Variants in DAB1 observed in about 807,000 individuals in gnomAD.
DAB1 encodes the protein DAB adaptor protein 1.
DAB1 carries 15 observed loss-of-function variants against 64.6 expected under a neutral mutation model. That is an observed-to-expected ratio of 0.23 (90% CI 0.16 to 0.36). The LOEUF (loss-of-function observed/expected upper bound fraction) is 0.36. Among genes scored for constraint, DAB1 ranks in the 10% least tolerant of loss-of-function variants. The pLI, the probability that DAB1 is intolerant of heterozygous loss-of-function variation, is 1.00. For missense variants in DAB1, 596 were observed against 706.7 expected (o/e 0.84, Z 1.78); for synonymous variants, 235 against 251.9 (o/e 0.93, Z 0.64).
chr1:57,806,489 T>C (rs1242495452), intron 6 of DAB1, among the ~76,000 whole-genome samples: 2 of 152,160 alleles, frequency 1.3e-5, no homozygotes, highest in Non-Finnish European at 2.9e-5. Flanking sequence ...AGGCAACGAC[T>C]GGCCACAAAC....
rs1187189728 is a variant in DAB1 at position 57,071,638 on chromosome 1, C to T, written c.442G>A (p.Glu148Lys). The T allele has an allele frequency of 6.2e-7, 1 of 1,613,012 alleles. No homozygotes were observed. Among genetic ancestry groups the T allele is most frequent in the Non-Finnish European group, 8.5e-7 (1 of 1,179,796 alleles). ...FVAIKTAQAA[E>K]PVILDLRDLF... ...TCTCTCAAGTCCAGAATAACAGGTT[C>T]AGCCTGGGATGAAAGGTAGTAAGGC... Residue 148 changes from glutamate (E) to lysine (K), a missense_variant, in exon 6 of 15, where the codon GAA becomes AAA. Transcript: ENST00000371236.
intron 7 of DAB1, among the ~76,000 whole-genome samples, chr1:57,556,223 G>T (rs1267729099): frequency 6.6e-6 from 1 of 152,068 alleles, no homozygotes; most frequent in East Asian, 1.9e-4. Flanking sequence ...ATTGTGAATT[G>T]TGCTGCTGTA....
intron 7 of DAB1, among the ~76,000 whole-genome samples, chr1:57,461,448 G>A (rs914389891): frequency 2.0e-5 from 3 of 152,060 alleles, no homozygotes; most frequent in Non-Finnish European, 4.4e-5. Context: ...TTCTGACATG[G>A]CATTACACCC....
At chr1:58,369,248 T>C (rs1192247298) in intron 3 of DAB1, among the ~76,000 whole-genome samples, 1 of 152,196 alleles carries the variant, frequency 6.6e-6, no homozygotes, top group Non-Finnish European at 1.5e-5. Context: ...GTGTGTCTTG[T>C]ATTATCTCAA....
At chr1:58,415,104 T>G (rs1316399637) in intron 3 of DAB1, among the ~76,000 whole-genome samples, 3 of 152,148 alleles carry the variant, frequency 2.0e-5, no homozygotes, top group Non-Finnish European at 4.4e-5. Context: ...AGGTTGGGCC[T>G]TCATAATAGG....
intron 3 of DAB1, among the ~76,000 whole-genome samples, chr1:58,423,513 G>A (rs768887873): frequency 7.9e-5 from 12 of 152,280 alleles, no homozygotes; most frequent in Middle Eastern, 3.4e-3. Context: ...CAACCGCACC[G>A]TCTGCCATTT....
chr1:57,608,321 A>AT (rs1645682514), intron 7 of DAB1, among the ~76,000 whole-genome samples: 3 of 151,944 alleles, frequency 2.0e-5, no homozygotes, highest in Admixed American at 2.0e-4. Context: ...ACAATCTATG[A>AT]TTTTCTCTCC....
chr1:57,821,842 G>A (rs933705016), downstream of DAB1, among the ~76,000 whole-genome samples: 16 of 152,136 alleles, frequency 1.1e-4, no homozygotes, highest in African/African-American at 2.7e-4. Context: ...TTAGGAAAAG[G>A]CAAGAGAAAA....
intron 1 of DAB1, among the ~76,000 whole-genome samples, chr1:57,845,793 T>A (rs1020035830): frequency 6.6e-6 from 1 of 152,238 alleles, no homozygotes; most frequent in Non-Finnish European, 1.5e-5. Flanking sequence ...ATATCTTAAG[T>A]TGAGCTAAAA....
chr1:57,633,197 TA>T (rs1229031605), intron 7 of DAB1, among the ~76,000 whole-genome samples: 1 of 152,176 alleles, frequency 6.6e-6, no homozygotes, highest in Admixed American at 6.5e-5. Flanking sequence ...TCCTGTTGTC[TA>T]ACACTACAGG....
At chr1:57,765,660 C>T (rs1557468188) in intron 6 of DAB1, among the ~76,000 whole-genome samples, 1 of 152,184 alleles carries the variant, frequency 6.6e-6, no homozygotes, top group Non-Finnish European at 1.5e-5. Flanking sequence ...GGTCAGTTCT[C>T]AATCCTTACT....
chr1:57,085,788 CG>C (rs1653015192), intron 4 of DAB1, among the ~76,000 whole-genome samples: 1 of 151,972 alleles, frequency 6.6e-6, no homozygotes, highest in Non-Finnish European at 1.5e-5. Flanking sequence ...CACTTGGGGG[CG>C]GGGGGTGGCA....
chr1:57,254,890 C>T (rs1440432586), intron 2 of DAB1, among the ~76,000 whole-genome samples: 1 of 152,016 alleles, frequency 6.6e-6, no homozygotes, highest in Non-Finnish European at 1.5e-5. Context: ...AAAATTCTGA[C>T]TTCCATTCTG....
At chr1:57,232,284 CT>C (rs74940041) in intron 2 of DAB1, among the ~76,000 whole-genome samples, 1,686 of 81,612 alleles carry the variant, frequency 0.021, 23 homozygotes, top group African/African-American at 0.067. Context: ...GCAGTGGCCA[CT>C]TTTTTTTTTT....
rs552183275 is a variant in DAB1, at chr1:58,527,402, G to C, written n.33-67C>G. The stretch of plus-strand genomic sequence containing the variant: ...TTCACGAAAAAAGGAGTAACACAGA[G>C]AGATTTTTAAAAAACAGTTTCATGG... On this transcript the variant is annotated intron_variant and non_coding_transcript_variant, in intron 1 of 20. Coordinates refer to the DAB1 transcript ENST00000485760. The C allele has an allele frequency of 5.0e-6, 4 of 800,464 alleles. No homozygotes were observed. In the Admixed American group the frequency reaches 7.2e-5, roughly 14 times the overall value. The allele number at this position is 800,464 out of a possible 1,614,324, so 49.6% of individuals were successfully genotyped here.
intron 4 of DAB1, among the ~76,000 whole-genome samples, chr1:57,124,934 C>A (rs1171389620): frequency 6.6e-6 from 1 of 151,956 alleles, no homozygotes; most frequent in African/African-American, 2.4e-5. Flanking sequence ...CTGTCCCTCC[C>A]ACCCCCCAAC....
At chr1:57,982,622 CTACACA>C (rs1296769702) in intron 5 of DAB1, among the ~76,000 whole-genome samples, 1 of 152,142 alleles carries the variant, frequency 6.6e-6, no homozygotes, top group Non-Finnish European at 1.5e-5. Context: ...AGAAACCCTG[CTACACA>C]TGAGGAAGAA....
At chr1:58,363,876 T>C (rs1278750927) in intron 3 of DAB1, among the ~76,000 whole-genome samples, 21 of 152,228 alleles carry the variant, frequency 1.4e-4, no homozygotes. Context: ...ATCTCCCTTC[T>C]AGCCCCGGAA....
chr1:57,152,312 T>G (rs1659764371), intron 2 of DAB1, among the ~76,000 whole-genome samples: 1 of 152,196 alleles, frequency 6.6e-6, no homozygotes, highest in Admixed American at 6.5e-5. Flanking sequence ...ATTTCTGCTC[T>G]GATACACCTG....
Sources: gnomAD v4.1 joint callset for allele counts (sites outside exome capture counted in the v4.1 genomes callset) on GRCh38, gnomAD v4.1.1 for gene constraint, MANE v1.5 for transcripts, NCBI Gene and HGNC (gene_info 2026-07-23, HGNC 2026-07-21) for gene names.